Variants in ERBB4 observed in about 807,000 individuals in gnomAD.
ERBB4 encodes the protein erb-b2 receptor tyrosine kinase 4, also known as receptor tyrosine-protein kinase erbB-4.
ERBB4 carries 42 observed loss-of-function variants against 158.0 expected under a neutral mutation model. The ratio of observed to expected loss-of-function variants is 0.27; its 90% CI spans 0.21 to 0.34. The LOEUF is 0.34. Ranked by LOEUF, ERBB4 falls within the 10% of genes least tolerant of loss-of-function variation. The pLI, the probability that ERBB4 is intolerant of heterozygous loss-of-function variation, is 1.00. For synonymous variants in ERBB4, 583 were observed against 558.7 expected (o/e 1.04, Z -0.61); for missense variants, 1,333 against 1,624.1 (o/e 0.82, Z 3.08).
At chr2:212,353,115 C>T (rs901782799) in intron 1 of ERBB4, among the ~76,000 whole-genome samples, 4 of 151,892 alleles carry the variant, frequency 2.6e-5, no homozygotes, top group African/African-American at 4.8e-5. Context: ...CAAATGCAGC[C>T]GTCAGGACCA....
intron 1 of ERBB4, among the ~76,000 whole-genome samples, chr2:212,257,031 T>C (rs62182618): frequency 0.24 from 35,881 of 152,010 alleles, 4,812 homozygotes; most frequent in Non-Finnish European, 0.28. Context: ...GTAGTAAGCA[T>C]AGTACCCAAT....
At chr2:211,669,833 G>A (rs893523303) in intron 14 of ERBB4, among the ~76,000 whole-genome samples, 2 of 152,142 alleles carry the variant, frequency 1.3e-5, no homozygotes, top group African/African-American at 4.8e-5. Flanking sequence ...AACTTCTATA[G>A]TTGAGTCACA....
chr2:212,122,095 CAA>C (rs569364414), intron 2 of ERBB4, among the ~76,000 whole-genome samples: 162 of 151,052 alleles, frequency 1.1e-3, no homozygotes, highest in African/African-American at 3.7e-3. Context: ...ACCCCACATA[CAA>C]ACACATATAT....
At chr2:211,462,245 A>G (rs1298575497) in intron 20 of ERBB4, among the ~76,000 whole-genome samples, 1 of 152,038 alleles carries the variant, frequency 6.6e-6, no homozygotes, top group Non-Finnish European at 1.5e-5. Flanking sequence ...ATCAGATCTC[A>G]TAACTCACAC....
At chr2:211,633,764 C>G (rs192126523) in intron 16 of ERBB4, among the ~76,000 whole-genome samples, 18 of 150,582 alleles carry the variant, frequency 1.2e-4, no homozygotes, top group Non-Finnish European at 7.4e-5. Context: ...ATAGGAACCT[C>G]TATATTCCAG....
At chr2:212,386,173 G>A (rs968790196) in intron 1 of ERBB4, among the ~76,000 whole-genome samples, 1 of 151,208 alleles carries the variant, frequency 6.6e-6, no homozygotes, top group Non-Finnish European at 1.5e-5. Flanking sequence ...TTTTAGAACT[G>A]AGTGTTTTTT....
At chr2:211,974,715 T>C (rs1208432330) in intron 2 of ERBB4, among the ~76,000 whole-genome samples, 1 of 152,166 alleles carries the variant, frequency 6.6e-6, no homozygotes, top group African/African-American at 2.4e-5. Flanking sequence ...AGGTCTAAGA[T>C]TGTTCCACTG....
intron 12 of ERBB4, among the ~76,000 whole-genome samples, chr2:211,690,752 C>T (rs2072781009): frequency 6.6e-6 from 1 of 152,152 alleles, no homozygotes; most frequent in Non-Finnish European, 1.5e-5. Context: ...AGCCCTCTGA[C>T]TTCCTGCAGT....
chr2:212,390,274 T>C (rs1328197637), intron 1 of ERBB4, among the ~76,000 whole-genome samples: 1 of 151,852 alleles, frequency 6.6e-6, no homozygotes, highest in East Asian at 1.9e-4. Flanking sequence ...GGGCAGGGAC[T>C]TCATTTATTA....
At chr2:211,428,866 G>A (rs982284194) in intron 21 of ERBB4, among the ~76,000 whole-genome samples, 2 of 151,954 alleles carry the variant, frequency 1.3e-5, no homozygotes, top group South Asian at 2.1e-4. Context: ...ACAGGGGTGC[G>A]CCACCATGCC....
At chr2:212,066,619 T>G (rs1316170973) in intron 2 of ERBB4, among the ~76,000 whole-genome samples, 2 of 152,036 alleles carry the variant, frequency 1.3e-5, no homozygotes, top group African/African-American at 2.4e-5. Flanking sequence ...ATCATAATTG[T>G]GGTTATTTTA....
At chr2:211,397,146 C>A (rs536198995) in intron 25 of ERBB4, among the ~76,000 whole-genome samples, 2 of 152,126 alleles carry the variant, frequency 1.3e-5, no homozygotes, top group East Asian at 3.9e-4. Context: ...ATAGCCCTCC[C>A]CGAGAGCTAC....
At chr2:212,001,748 C>T (rs13020474) in intron 2 of ERBB4, among the ~76,000 whole-genome samples, 19,467 of 152,084 alleles carry the variant, frequency 0.13, 1,831 homozygotes, top group East Asian at 0.33. Flanking sequence ...AATAGCATCT[C>T]TTTTCTTGAT....
intron 1 of ERBB4, among the ~76,000 whole-genome samples, chr2:212,189,340 C>T (rs1311654122): frequency 1.3e-5 from 2 of 152,118 alleles, no homozygotes; most frequent in Non-Finnish European, 2.9e-5. Flanking sequence ...CTACAATATT[C>T]AGATATCTAC....
rs1217102164 is a variant in ERBB4, at chr2:212,175,102, G to A, written c.83-50199C>T. Among the ~76,000 whole-genome samples, 3 of 151,954 alleles carry A rather than the reference G, an allele frequency of 2.0e-5. No individual in the cohort carries two copies. In the East Asian group the frequency reaches 5.8e-4, roughly 29 times the overall value. On this transcript the variant is annotated intron_variant, in intron 1 of 27. Transcript: ENST00000342788. ...TCTTTCATCAAGATCTGGTGTAAAA[G>A]TCACCATATCATCTCTAAAACTTTC...
At chr2:211,518,586 G>A (rs567066038) in intron 20 of ERBB4, among the ~76,000 whole-genome samples, 7 of 152,046 alleles carry the variant, frequency 4.6e-5, no homozygotes, top group African/African-American at 1.2e-4. Flanking sequence ...CCTGGGAGGC[G>A]GAGGTTGCGG....
At chr2:212,273,495 C>A (rs978977828) in intron 1 of ERBB4, among the ~76,000 whole-genome samples, 2 of 151,786 alleles carry the variant, frequency 1.3e-5, no homozygotes, top group African/African-American at 4.8e-5. Context: ...TTACTACAAG[C>A]CAGCCATTCA....
chr2:211,978,051 C>T (rs1444265803), intron 2 of ERBB4, among the ~76,000 whole-genome samples: 2 of 150,276 alleles, frequency 1.3e-5, no homozygotes, highest in East Asian at 1.9e-4. Context: ...ATTCTCTTCA[C>T]CTATTTTACT....
chr2:212,112,579 T>C (rs903484143), intron 2 of ERBB4, among the ~76,000 whole-genome samples: 1 of 152,054 alleles, frequency 6.6e-6, no homozygotes, highest in Non-Finnish European at 1.5e-5. Flanking sequence ...AAGTTTAAAG[T>C]GAAAGAACTG....
Sources: gnomAD v4.1 joint callset for allele counts (sites outside exome capture counted in the v4.1 genomes callset) on GRCh38, gnomAD v4.1.1 for gene constraint, MANE v1.5 for transcripts, NCBI Gene and HGNC (gene_info 2026-07-23, HGNC 2026-07-21) for gene names.